GPC5: variants seen among roughly 807,000 people sequenced by gnomAD.
The protein encoded by GPC5 is glypican-5.
A neutral mutation model predicts 53.9 loss-of-function variants in GPC5; 47 were observed. That is an observed-to-expected ratio of 0.87 (90% CI 0.69 to 1.11). The LOEUF is 1.11. Ranked by LOEUF, GPC5 falls within the 50% of genes most tolerant of loss-of-function variation. The pLI is 0.00. For missense variants in GPC5, 748 were observed against 713.1 expected (o/e 1.05, Z -0.56); for synonymous variants, 286 against 263.3 (o/e 1.09, Z -0.84).
At chr13:92,764,066 G>A (rs1004617060) in intron 7 of GPC5, among the ~76,000 whole-genome samples, 1 of 152,278 alleles carries the variant, frequency 6.6e-6, no homozygotes, top group Middle Eastern at 3.4e-3. Flanking sequence ...CAGGTCCTCA[G>A]AGTACCATGT....
chr13:92,304,977 A>AT (rs2043101425), intron 7 of GPC5, among the ~76,000 whole-genome samples: 1 of 152,162 alleles, frequency 6.6e-6, no homozygotes, highest in African/African-American at 2.4e-5. Context: ...AATAGATGAG[A>AT]TCGGGTGCGT....
chr13:91,553,664 G>T (rs566190518), intron 2 of GPC5, among the ~76,000 whole-genome samples: 1 of 152,116 alleles, frequency 6.6e-6, no homozygotes, highest in Admixed American at 6.6e-5. Flanking sequence ...CACTTTACAA[G>T]TTCCAAAGTG....
At chr13:92,179,138 T>A (rs2042128841) in intron 7 of GPC5, among the ~76,000 whole-genome samples, 1 of 152,186 alleles carries the variant, frequency 6.6e-6, no homozygotes, top group Non-Finnish European at 1.5e-5. Flanking sequence ...TAATAGTTTC[T>A]TTGGGAGTTA....
intron 5 of GPC5, among the ~76,000 whole-genome samples, chr13:91,900,960 A>C (rs1343200803): frequency 1.3e-5 from 2 of 152,146 alleles, no homozygotes; most frequent in African/African-American, 4.8e-5. Context: ...ATCAGGAGTT[A>C]GGGTGAACAG....
At chr13:92,446,796 A>T (rs1877846118) in intron 7 of GPC5, 1 of 152,066 alleles carries the variant, frequency 6.6e-6, no homozygotes, top group Admixed American at 6.6e-5. Flanking sequence ...AGCATTTGTT[A>T]TCGTCTGTCT....
At chr13:91,541,796 T>C (rs1308972117) in intron 2 of GPC5, among the ~76,000 whole-genome samples, 1 of 151,532 alleles carries the variant, frequency 6.6e-6, no homozygotes, top group African/African-American at 2.4e-5. Flanking sequence ...AGTAATATGT[T>C]AATACACTGA....
At chr13:92,027,387 C>A (rs1439034327) in intron 6 of GPC5, among the ~76,000 whole-genome samples, 1 of 151,958 alleles carries the variant, frequency 6.6e-6, no homozygotes, top group Non-Finnish European at 1.5e-5. Context: ...TTTTTCTCAT[C>A]AAAATTATAA....
intron 7 of GPC5, among the ~76,000 whole-genome samples, chr13:92,681,362 T>G (rs1887105743): frequency 6.6e-6 from 1 of 151,566 alleles, no homozygotes; most frequent in Admixed American, 6.6e-5. Context: ...CGCCTCTGAG[T>G]GCCCCAACCC....
intron 7 of GPC5, among the ~76,000 whole-genome samples, chr13:92,149,227 A>T (rs910591579): frequency 2.0e-5 from 3 of 152,006 alleles, no homozygotes; most frequent in Non-Finnish European, 4.4e-5. Flanking sequence ...ACCTTTTATC[A>T]TGTCTATTGA....
chr13:92,152,653 G>T (rs2138994624), intron 7 of GPC5, among the ~76,000 whole-genome samples: 1 of 151,726 alleles, frequency 6.6e-6, no homozygotes, highest in South Asian at 2.1e-4. Context: ...GCAGGAGAAT[G>T]GTGTGAACCC....
intron 5 of GPC5, among the ~76,000 whole-genome samples, chr13:91,905,994 G>T (rs878878927): frequency 6.6e-6 from 1 of 152,012 alleles, no homozygotes; most frequent in Admixed American, 6.6e-5. Context: ...CACCTGAGTA[G>T]TGTACATTGT....
At chr13:91,568,575 C>T (rs1335928110) in intron 2 of GPC5, among the ~76,000 whole-genome samples, 4 of 147,196 alleles carry the variant, frequency 2.7e-5, no homozygotes, top group African/African-American at 5.1e-5. Context: ...AAAAAAAAGG[C>T]ATGAAAGTTT....
At chr13:92,743,394 A>G (rs530713004) in intron 7 of GPC5, among the ~76,000 whole-genome samples, 2 of 152,032 alleles carry the variant, frequency 1.3e-5, no homozygotes, top group African/African-American at 2.4e-5. Flanking sequence ...TTTGTCTGTT[A>G]TTGGTGTATT....
chr13:92,735,115 A>C (rs2139303323), intron 7 of GPC5, among the ~76,000 whole-genome samples: 1 of 152,124 alleles, frequency 6.6e-6, no homozygotes, highest in African/African-American at 2.4e-5. Flanking sequence ...TTGCTTAAAA[A>C]GCAGACAAAA....
intron 1 of GPC5, among the ~76,000 whole-genome samples, chr13:91,409,538 C>T (rs1271738632): frequency 6.6e-6 from 1 of 152,166 alleles, no homozygotes; most frequent in African/African-American, 2.4e-5. Flanking sequence ...AAATATCTTA[C>T]ATAAGGAAAA....
At chr13:92,106,337 T>C (rs1594765505) in intron 6 of GPC5, among the ~76,000 whole-genome samples, 1 of 152,004 alleles carries the variant, frequency 6.6e-6, no homozygotes, top group Non-Finnish European at 1.5e-5. Context: ...AAATAAAAGA[T>C]TGAGTTAAAT....
At chr13:92,673,202 A>G (rs768542866) in intron 7 of GPC5, among the ~76,000 whole-genome samples, 158 of 152,166 alleles carry the variant, frequency 1.0e-3, no homozygotes, top group Non-Finnish European at 1.9e-3. Flanking sequence ...TTCAACAACA[A>G]TGTTATATTT....
intron 7 of GPC5, among the ~76,000 whole-genome samples, chr13:92,314,578 G>A (rs2043166156): frequency 6.6e-6 from 1 of 152,094 alleles, no homozygotes; most frequent in South Asian, 2.1e-4. Context: ...GGCAGCAAAT[G>A]GAAAAAGGCC....
At chr13:91,651,354 C>T (rs16946406) in intron 2 of GPC5, among the ~76,000 whole-genome samples, 9,873 of 152,158 alleles carry the variant, frequency 0.065, 1,082 homozygotes, top group African/African-American at 0.22. Context: ...ATTACCCTTT[C>T]CTAGTCTATC....
Sources: allele counts gnomAD v4.1 joint callset (sites outside exome capture counted in the v4.1 genomes callset), GRCh38; gene constraint gnomAD v4.1.1; transcripts MANE v1.5; gene names NCBI Gene and HGNC (gene_info 2026-07-23, HGNC 2026-07-21).